MICAL2: variants seen among roughly 807,000 people sequenced by gnomAD.
MICAL2 encodes the protein microtubule associated monooxygenase, calponin and LIM domain containing 2.
MICAL2 carries 77 observed loss-of-function variants against 127.3 expected under a neutral mutation model. That is an observed-to-expected ratio of 0.60 (90% CI 0.50 to 0.73). The LOEUF is 0.73. Ranked by LOEUF, MICAL2 falls within the 30% of genes least tolerant of loss-of-function variation. The pLI is 0.00. For missense variants in MICAL2, 1,351 were observed against 1,434.4 expected (o/e 0.94, Z 0.94); for synonymous variants, 570 against 551.1 (o/e 1.03, Z -0.48).
At chr11:12,272,227 G>A (rs147143952), upstream of MICAL2, among the ~76,000 whole-genome samples, 343 of 152,240 alleles carry the variant, frequency 2.3e-3, no homozygotes, top group Non-Finnish European at 3.9e-3. Context: ...ACCCGCAGCC[G>A]CCTCATCCTG....
chr11:12,265,436 C>A (rs1301699250), downstream of MICAL2, among the ~76,000 whole-genome samples: 2 of 152,118 alleles, frequency 1.3e-5, no homozygotes, highest in Admixed American at 6.5e-5. Flanking sequence ...GGGGTGATAA[C>A]CTTCTAAGCA....
At chr11:12,178,287 T>C (rs1248721386) in intron 3 of MICAL2, among the ~76,000 whole-genome samples, 2 of 152,166 alleles carry the variant, frequency 1.3e-5, no homozygotes, top group East Asian at 1.9e-4. Flanking sequence ...ACCCCAACTT[T>C]TGTAAAATGT....
upstream of MICAL2, among the ~76,000 whole-genome samples, chr11:12,273,460 G>T (rs1196202758): frequency 6.6e-6 from 1 of 151,580 alleles, no homozygotes; most frequent in African/African-American, 2.4e-5. Flanking sequence ...TAACTTAGAA[G>T]TGTAGACACG....
chr11:12,249,535 A>G (rs1409000389), intron 22 of MICAL2, among the ~76,000 whole-genome samples: 1 of 152,204 alleles, frequency 6.6e-6, no homozygotes, highest in East Asian at 1.9e-4. Flanking sequence ...GAGGAATCAG[A>G]TCCAACAGGC....
In MICAL2 at chr11:12,119,008, C is replaced by G. The variant is rs145886771; in HGVS notation, c.-149+8282C>G. Among the ~76,000 whole-genome samples the G allele has an allele frequency of 5.3e-5, 8 of 152,326 alleles. No individual in the cohort carries two copies. In the East Asian group the frequency reaches 1.3e-3, roughly 26 times the overall value. On this transcript the variant is annotated intron_variant, in intron 1 of 27. Coordinates refer to ENST00000683283, the MANE Select transcript of MICAL2 (RefSeq NM_001282663.2). ...CTTTCCCTGCAGAAGGCAGCCAGTT[C>G]TCCATTTTCTACCAAGTTGAGTTGG...
At chr11:12,288,655 G>T (rs904820612), downstream of MICAL2, among the ~76,000 whole-genome samples, 1 of 152,230 alleles carries the variant, frequency 6.6e-6, no homozygotes, top group Non-Finnish European at 1.5e-5. Flanking sequence ...GTCTGGCCCG[G>T]AGGAGGAACC....
intron 29 of MICAL2, among the ~76,000 whole-genome samples, chr11:12,312,040 AATT>A (rs1173493604): frequency 2.6e-5 from 4 of 151,142 alleles, no homozygotes; most frequent in African/African-American, 4.8e-5. Flanking sequence ...AAATTTTTAA[AATT>A]ATTATTATAT....
intron 21 of MICAL2, among the ~76,000 whole-genome samples, chr11:12,248,683 G>C (rs542076859): frequency 1.4e-5 from 2 of 146,720 alleles, no homozygotes; most frequent in South Asian, 4.3e-4. Context: ...TTACTCGAGA[G>C]ATTTGCATAG....
At chr11:12,305,406 T>C (rs1315696346) in intron 29 of MICAL2, among the ~76,000 whole-genome samples, 1 of 152,122 alleles carries the variant, frequency 6.6e-6, no homozygotes, top group Admixed American at 6.6e-5. Context: ...CAATATGGGA[T>C]TACAGGTCCT....
At chr11:12,295,866 T>C (rs1287401507), downstream of MICAL2, among the ~76,000 whole-genome samples, 1 of 152,180 alleles carries the variant, frequency 6.6e-6, no homozygotes, top group Admixed American at 6.5e-5. Context: ...TATATGCATA[T>C]ATTTATATTT....
At chr11:12,131,396 C>T (rs951331180) in intron 1 of MICAL2, among the ~76,000 whole-genome samples, 1 of 151,890 alleles carries the variant, frequency 6.6e-6, no homozygotes, top group Non-Finnish European at 1.5e-5. Context: ...TCCCCCTTCT[C>T]ATCCTCCAAG....
chr11:12,241,549 G>A (rs1859961685), intron 18 of MICAL2, among the ~76,000 whole-genome samples: 1 of 152,232 alleles, frequency 6.6e-6, no homozygotes, highest in African/African-American at 2.4e-5. Context: ...CCACTTGGCT[G>A]GACCCATTGA....
chr11:12,247,804 T>C (rs1051997648), intron 21 of MICAL2, among the ~76,000 whole-genome samples: 1 of 152,252 alleles, frequency 6.6e-6, no homozygotes, highest in African/African-American at 2.4e-5. Context: ...TATTCTATCC[T>C]GGTGCAGCTC....
At chr11:12,164,273 T>A (rs1855205400) in intron 3 of MICAL2, among the ~76,000 whole-genome samples, 1 of 152,200 alleles carries the variant, frequency 6.6e-6, no homozygotes. Flanking sequence ...GTAAGGTGCC[T>A]CTTGCCCAGG....
intron 21 of MICAL2, among the ~76,000 whole-genome samples, chr11:12,244,373 G>T (rs920995519): frequency 6.6e-6 from 1 of 152,180 alleles, no homozygotes; most frequent in East Asian, 1.9e-4. Context: ...GCCACCCTTC[G>T]TGCCAGATGC....
At chr11:12,335,152 G>A (rs995504273) in intron 32 of MICAL2, among the ~76,000 whole-genome samples, 1 of 147,822 alleles carries the variant, frequency 6.8e-6, no homozygotes, top group Admixed American at 6.8e-5. Flanking sequence ...GTTCTAACTG[G>A]TGTGAGATGG....
intron 15 of MICAL2, among the ~76,000 whole-genome samples, chr11:12,233,039 T>C (rs915882825): frequency 1.3e-5 from 2 of 152,208 alleles, no homozygotes; most frequent in Non-Finnish European, 2.9e-5. Flanking sequence ...CTGTCTCAGT[T>C]ACCAGATCAA....
At chr11:12,170,976 C>T (rs543580469) in intron 3 of MICAL2, among the ~76,000 whole-genome samples, 1 of 152,282 alleles carries the variant, frequency 6.6e-6, no homozygotes, top group Non-Finnish European at 1.5e-5. Flanking sequence ...TGGAGCTTTA[C>T]TATGTGAGCC....
Position 12,152,133 on chromosome 11 carries a change from C to CAAAA in MICAL2, c.-77-9934_-77-9931dup, listed in dbSNP as rs71037057. On this transcript the variant is annotated intron_variant, in intron 2 of 27. Transcript: ENST00000683283. The stretch of plus-strand genomic sequence containing the variant: ...TGAAACCCCGTCTCTACTAAAAATA[C>CAAAA]AAAAAAAAAAAAAAATCAGCTGGGC... Among the ~76,000 whole-genome samples the CAAAA allele has an allele frequency of 7.9e-4, 97 of 123,490 alleles. 1 individual carries two copies. The highest frequency in any genetic ancestry group is 1.4e-3 in the Admixed American group (17 of 12,452). 81.0% of individuals were successfully genotyped at this position (123,490 alleles called of 152,430 possible).
Sources: gnomAD v4.1 joint callset for allele counts (sites outside exome capture counted in the v4.1 genomes callset) on GRCh38, gnomAD v4.1.1 for gene constraint, MANE v1.5 for transcripts, NCBI Gene and HGNC (gene_info 2026-07-23, HGNC 2026-07-21) for gene names.